PCDH9: variants seen among roughly 807,000 people sequenced by gnomAD.
The protein encoded by PCDH9 is protocadherin-9.
A neutral mutation model predicts 70.6 loss-of-function variants in PCDH9; 24 were observed. The ratio of observed to expected loss-of-function variants is 0.34; its 90% confidence interval spans 0.25 to 0.48. PCDH9 has a LOEUF of 0.48. PCDH9 is among the 20% of genes least tolerant of loss of function. PCDH9 has a pLI of 0.99. For missense variants in PCDH9, 1,281 were observed against 1,503.6 expected, an observed-to-expected ratio of 0.85 and a Z score of 2.45; for synonymous variants, 562 against 558.5, an observed-to-expected ratio of 1.01 and a Z score of -0.09.
At chr13:66,871,028 CA>C (rs2081668943) in intron 3 of PCDH9, among the ~76,000 whole-genome samples, 2 of 152,158 alleles carry the variant, frequency 1.3e-5, no homozygotes, top group African/African-American at 2.4e-5. Flanking sequence ...GAAAATGTGG[CA>C]CATATACACC....
At chr13:66,750,100 C>G (rs1035887564) in intron 3 of PCDH9, among the ~76,000 whole-genome samples, 1 of 152,062 alleles carries the variant, frequency 6.6e-6, no homozygotes, top group Admixed American at 6.6e-5. Flanking sequence ...CATGTGCACA[C>G]ACACACACAA....
At chr13:66,532,180 C>A (rs75239578) in intron 4 of PCDH9, among the ~76,000 whole-genome samples, 3 of 141,478 alleles carry the variant, frequency 2.1e-5, no homozygotes, top group African/African-American at 7.8e-5. Context: ...TTTTTTTTTT[C>A]TTTTGTAGAG....
chr13:66,710,890 C>T (rs149139648), intron 3 of PCDH9, among the ~76,000 whole-genome samples: 4 of 152,246 alleles, frequency 2.6e-5, no homozygotes, highest in Admixed American at 1.3e-4. Flanking sequence ...TCTTATTCTG[C>T]CTCTTTCTTC....
intron 2 of PCDH9, among the ~76,000 whole-genome samples, chr13:67,090,218 G>C (rs1396046245): frequency 6.6e-6 from 1 of 151,974 alleles, no homozygotes; most frequent in Non-Finnish European, 1.5e-5. Flanking sequence ...ATATTAATAT[G>C]TATATGAATC....
intron 3 of PCDH9, among the ~76,000 whole-genome samples, chr13:66,897,907 A>C (rs1205613183): frequency 6.6e-6 from 1 of 152,154 alleles, no homozygotes; most frequent in Admixed American, 6.6e-5. Context: ...ATTATTTTCC[A>C]GGTCAATCTT....
intron 2 of PCDH9, chr13:67,222,647 T>C (rs952586041): frequency 1.3e-5 from 2 of 152,200 alleles, no homozygotes; most frequent in African/African-American, 4.8e-5. Context: ...AATGAAAAGA[T>C]GGTGTGAGCA....
At chr13:66,355,733 A>G (rs568132185) in intron 4 of PCDH9, among the ~76,000 whole-genome samples, 9 of 152,194 alleles carry the variant, frequency 5.9e-5, no homozygotes, top group Non-Finnish European at 1.3e-4. Flanking sequence ...TTTGATGAAA[A>G]TAAAGTGACC....
intron 3 of PCDH9, among the ~76,000 whole-genome samples, chr13:66,699,860 T>C (rs552836454): frequency 1.8e-4 from 28 of 152,218 alleles, no homozygotes; most frequent in African/African-American, 6.3e-4. Context: ...AATAAGATAT[T>C]AATATAAAAT....
chr13:67,186,033 T>C (rs2088750936), intron 2 of PCDH9, among the ~76,000 whole-genome samples: 1 of 152,104 alleles, frequency 6.6e-6, no homozygotes, highest in Non-Finnish European at 1.5e-5. Context: ...TGCCTGACCC[T>C]GCAAGCATCT....
chr13:66,537,273 T>C (rs1035456369), intron 4 of PCDH9, among the ~76,000 whole-genome samples: 4 of 152,072 alleles, frequency 2.6e-5, no homozygotes, highest in African/African-American at 7.2e-5. Context: ...GTGCTGAACA[T>C]TGGGTTACTC....
At chr13:66,493,083 G>A (rs9529072) in intron 4 of PCDH9, among the ~76,000 whole-genome samples, 13,300 of 152,188 alleles carry the variant, frequency 0.087, 721 homozygotes, top group Middle Eastern at 0.13. Flanking sequence ...TGTTTCCTAT[G>A]TGACTATAAG....
At chr13:67,141,576 G>T (rs74359826) in intron 2 of PCDH9, among the ~76,000 whole-genome samples, 1 of 152,106 alleles carries the variant, frequency 6.6e-6, no homozygotes, top group East Asian at 1.9e-4. Context: ...GAGTAGCTGG[G>T]ATTACAGGTG....
chr13:67,122,099 A>G (rs1028203999), intron 2 of PCDH9, among the ~76,000 whole-genome samples: 16 of 152,266 alleles, frequency 1.1e-4, no homozygotes, highest in African/African-American at 3.9e-4. Context: ...CAGCTGGAAT[A>G]AAGGAAATTA....
intron 4 of PCDH9, among the ~76,000 whole-genome samples, chr13:66,318,986 C>G (rs1955702620): frequency 6.6e-6 from 1 of 152,094 alleles, no homozygotes; most frequent in Admixed American, 6.6e-5. Flanking sequence ...GTGTATTAGT[C>G]TGTTTTCACA....
chr13:66,817,318 T>C (rs570554894), intron 3 of PCDH9, among the ~76,000 whole-genome samples: 20 of 152,238 alleles, frequency 1.3e-4, no homozygotes, highest in Admixed American at 2.6e-4. Context: ...GAAGACATAC[T>C]GTAAAGGATA....
chr13:66,953,191 A>C (rs1472411227), intron 2 of PCDH9, among the ~76,000 whole-genome samples: 1 of 151,568 alleles, frequency 6.6e-6, no homozygotes, highest in Non-Finnish European at 1.5e-5. Context: ...TGTTAGAGGC[A>C]CTAGTCCATA....
At position 66,730,862 on chromosome 13, in the gene PCDH9, T is replaced by TGTG. The variant is rs1273036216; in HGVS notation, c.3139-99452_3139-99451insCAC. On this transcript the variant is annotated intron_variant, in intron 3 of 4. Coordinates refer to ENST00000377865, the MANE Select transcript of PCDH9 (RefSeq NM_203487.3). ...CCTGGCTGTTTTTTTGTTTTTGTTT[T>TGTG]TTTGTGTGTGTGTGTTTTTTTTTTG... 1.8e-3 allele frequency among the ~76,000 whole-genome samples: 156 copies of TGTG among 87,960 alleles called. 1 individual carries two copies. Among genetic ancestry groups the TGTG allele is most frequent in the African/African-American group, 2.2e-3 (51 of 22,980 alleles). 57.7% of individuals were successfully genotyped at this position (87,960 alleles called of 152,430 possible). A position where few individuals can be genotyped will look rare whatever the true frequency, so the allele number is the denominator to read the frequency against.
At chr13:67,044,428 C>T (rs538898777) in intron 2 of PCDH9, among the ~76,000 whole-genome samples, 21 of 152,226 alleles carry the variant, frequency 1.4e-4, no homozygotes, top group Non-Finnish European at 2.6e-4. Context: ...GCATCCTTAG[C>T]GCTTCTCAAA....
chr13:66,472,504 G>A (rs892247793), intron 4 of PCDH9, among the ~76,000 whole-genome samples: 13 of 151,542 alleles, frequency 8.6e-5, no homozygotes, highest in African/African-American at 2.9e-4. Context: ...GGGAAGTCAA[G>A]GTTCACAGTG....
Sources: gnomAD v4.1 joint callset for allele counts (sites outside exome capture counted in the v4.1 genomes callset) on GRCh38, gnomAD v4.1.1 for gene constraint, MANE v1.5 for transcripts, NCBI Gene and HGNC (gene_info 2026-07-23, HGNC 2026-07-21) for gene names.